Variants in WDFY2 observed in about 807,000 individuals in gnomAD.
WDFY2 encodes the protein WD repeat and FYVE domain containing 2.
WDFY2 carries 36 observed loss-of-function variants against 56.4 expected under a neutral mutation model. That is an observed-to-expected ratio of 0.64 (90% CI 0.49 to 0.84). The LOEUF is 0.84. WDFY2 is among the 40% of genes least tolerant of loss of function. The pLI is 0.00. For missense variants in WDFY2, 444 were observed against 512.2 expected (o/e 0.87, Z 1.29); for synonymous variants, 176 against 183.7 (o/e 0.96, Z 0.34).
At chr13:51,705,689 G>A (rs961810954) in intron 4 of WDFY2, among the ~76,000 whole-genome samples, 1 of 151,906 alleles carries the variant, frequency 6.6e-6, no homozygotes, top group Admixed American at 6.6e-5. Context: ...GGTAGATGGG[G>A]TATCTGTCGC....
intron 1 of WDFY2, among the ~76,000 whole-genome samples, chr13:51,660,289 GGTGT>G (rs1955586609): frequency 6.6e-6 from 1 of 151,514 alleles, no homozygotes; most frequent in Non-Finnish European, 1.5e-5. Context: ...CTCTGCCTCT[GGTGT>G]TCAAGTGATT....
At chr13:51,665,898 G>T (rs928859148) in intron 2 of WDFY2, among the ~76,000 whole-genome samples, 2 of 152,246 alleles carry the variant, frequency 1.3e-5, no homozygotes, top group Non-Finnish European at 2.9e-5. Context: ...TTTTTCAAAG[G>T]TAGTTACAAA....
chr13:51,698,387 TACTTTTATAAATTGAAGGA>T (rs1440788969), intron 3 of WDFY2, among the ~76,000 whole-genome samples: 4 of 152,226 alleles, frequency 2.6e-5, no homozygotes, highest in African/African-American at 9.6e-5. Context: ...AATAATCAAT[TACTTTTATAAATTGAAGGA>T]TTTTAACAAA....
intron 4 of WDFY2, among the ~76,000 whole-genome samples, chr13:51,705,451 A>G (rs1383394051): frequency 6.6e-6 from 1 of 151,462 alleles, no homozygotes; most frequent in Non-Finnish European, 1.5e-5. Flanking sequence ...ACAAAATTAT[A>G]TTTCCCTTCT....
intron 1 of WDFY2, chr13:51,590,437 A>G (rs1172940356): frequency 2.0e-5 from 3 of 152,206 alleles, no homozygotes; most frequent in Admixed American, 2.0e-4. Flanking sequence ...TTCACTTTGC[A>G]TTTGGCTTTG....
intron 3 of WDFY2, 41 bp downstream of exon 3, chr13:51,675,284 C>T (rs375772607): frequency 1.3e-6 from 2 of 1,541,742 alleles, no homozygotes; most frequent in Admixed American, 1.7e-5. Context: ...AAATACTTCC[C>T]TTCCTGTGGA....
chr13:51,731,342 T>G (rs1293380235), intron 6 of WDFY2, among the ~76,000 whole-genome samples: 2 of 152,212 alleles, frequency 1.3e-5, no homozygotes, highest in Non-Finnish European at 2.9e-5. Flanking sequence ...CCACATATGG[T>G]TCAAAGGTCC....
chr13:51,652,241 G>A (rs563024485), intron 1 of WDFY2, among the ~76,000 whole-genome samples: 90 of 151,970 alleles, frequency 5.9e-4, no homozygotes, highest in Non-Finnish European at 1.2e-3. Flanking sequence ...GCCTTGTTTT[G>A]TTTTCCATTT....
chr13:51,622,282 C>G (rs527820836), intron 1 of WDFY2, among the ~76,000 whole-genome samples: 3 of 152,294 alleles, frequency 2.0e-5, no homozygotes, highest in East Asian at 1.9e-4. Flanking sequence ...TCTCTCCCCC[C>G]CTCCTTTTTT....
intron 8 of WDFY2, among the ~76,000 whole-genome samples, chr13:51,752,500 A>G (rs1373503449): frequency 2.0e-5 from 3 of 152,202 alleles, no homozygotes; most frequent in Non-Finnish European, 4.4e-5. Context: ...GGTTAGGGAC[A>G]GTCACACCTG....
At chr13:51,641,825 C>CAAAAAA (rs750489541) in intron 1 of WDFY2, among the ~76,000 whole-genome samples, 4 of 37,418 alleles carry the variant, frequency 1.1e-4, no homozygotes, top group African/African-American at 1.0e-4. Context: ...GACTCCGTCT[C>CAAAAAA]AAAAAAAAAA....
Position 51,584,809 on chromosome 13 carries a change from G to A in WDFY2, c.122G>A (p.Ser41Asn). 6.2e-7 allele frequency: 1 copy of A among 1,613,886 alleles called. No homozygotes were observed. Among genetic ancestry groups the A allele is most frequent in the Non-Finnish European group, 8.5e-7 (1 of 1,179,804 alleles). Residue 41 changes from serine (S) to asparagine (N), a missense_variant, in exon 1 of 12, where the codon AGC becomes AAC. Transcript: ENST00000298125. ...GTGCCCAAAGAGGAGGGCGTCATCAGCGTCTCCGAGGACAGGTATGGACTA... is the reference window on the plus strand; with the variant it reads ...GTGCCCAAAGAGGAGGGCGTCATCAACGTCTCCGAGGACAGGTATGGACTA... ...VIVPKEEGVISVSEDRTVRVW... is the reference protein window; with the variant it reads ...VIVPKEEGVINVSEDRTVRVW...
At chr13:51,667,079 T>C (rs987559127) in intron 2 of WDFY2, among the ~76,000 whole-genome samples, 24 of 152,340 alleles carry the variant, frequency 1.6e-4, no homozygotes, top group African/African-American at 5.3e-4. Flanking sequence ...TAAACTGTTA[T>C]CTTTGTTCTC....
chr13:51,633,623 A>T (rs181106044), intron 1 of WDFY2, among the ~76,000 whole-genome samples: 54 of 152,250 alleles, frequency 3.5e-4, no homozygotes, highest in African/African-American at 1.3e-3. Context: ...TGGGTCACTT[A>T]TGAAGTAGCC....
intron 3 of WDFY2, 121 bp from the exon 4 acceptor site, chr13:51,703,474 GC>G: frequency 1.4e-6 from 1 of 701,652 alleles, no homozygotes; most frequent in Non-Finnish European, 2.4e-6. Flanking sequence ...GAGTTGATGG[GC>G]AAAATACTAA....
At chr13:51,729,577 A>G (rs893518475) in intron 6 of WDFY2, among the ~76,000 whole-genome samples, 3 of 150,120 alleles carry the variant, frequency 2.0e-5, no homozygotes, top group African/African-American at 7.3e-5. Context: ...CCTCCAGCCC[A>G]TTCTTCTCTT....
Position 51,739,059 on chromosome 13 carries a change from C to T in WDFY2, c.609C>T (p.Thr203=), listed in dbSNP as rs1885854. The T allele has an allele frequency of 0.16, 246,794 of 1,582,540 alleles. 20,694 individuals are homozygous for T. Among genetic ancestry groups the T allele is most frequent in the South Asian group, 0.18 (15,078 of 84,806 alleles). Reference sequence around the variant, plus strand: ...TGTCTGTCCTCTCAGGTGGGGTGACCGCTCTCTGTTGGGACCCAGTCCAGC... The same window carrying T: ...TGTCTGTCCTCTCAGGTGGGGTGACTGCTCTCTGTTGGGACCCAGTCCAGC... ...TTFRGHTGGV[T]ALCWDPVQRV... The change falls in exon 7 of 12, where the codon ACC becomes ACT. Residue 203 remains threonine, a synonymous_variant. Transcript: ENST00000298125.
In WDFY2 at chr13:51,675,251, C is replaced by T. The variant is rs1955867209; in HGVS notation, c.279+8C>T. On this transcript the variant is annotated splice_region_variant and intron_variant, in intron 3 of 11. Transcript: ENST00000298125. ...GACAATGGTACAATCTCAGTAAGTA[C>T]ACATAAATAAGATTTCCAGTTGAAA... The T allele has an allele frequency of 6.2e-7, 1 of 1,609,468 alleles. No individual in the cohort carries two copies. The highest frequency in any genetic ancestry group is 1.7e-5 in the Admixed American group (1 of 59,952).
At chr13:51,725,842 T>A (rs1307622455) in intron 5 of WDFY2, among the ~76,000 whole-genome samples, 2 of 152,046 alleles carry the variant, frequency 1.3e-5, no homozygotes, top group African/African-American at 2.4e-5. Context: ...CACAGGCATG[T>A]GCCACCATGC....
Sources: allele counts gnomAD v4.1 joint callset (sites outside exome capture counted in the v4.1 genomes callset), GRCh38; gene constraint gnomAD v4.1.1; transcripts MANE v1.5; gene names NCBI Gene and HGNC (gene_info 2026-07-23, HGNC 2026-07-21).